Variants in SNX24 observed in about 807,000 individuals in gnomAD.
SNX24 encodes the protein sorting nexin-24.
In SNX24, 22 loss-of-function variants were observed where a neutral mutation model predicts 28.7. The observed-to-expected ratio is 0.77, with a 90% confidence interval of 0.55 to 1.10. The LOEUF is 1.10. SNX24 is among the 50% of genes least tolerant of loss of function. The probability of loss-of-function intolerance (pLI) is 0.00; values close to 1 mark genes in which losing one functional copy is unlikely to be tolerated. For synonymous variants in SNX24, 69 were observed against 71.5 expected (o/e 0.96, Z 0.18); for missense variants, 221 against 201.1 (o/e 1.10, Z -0.60).
intron 5 of SNX24, chr5:123,025,936 C>G (rs1222255255): frequency 6.2e-7 from 1 of 1,608,546 alleles, no homozygotes; most frequent in East Asian, 2.2e-5. Flanking sequence ...TTGAAGTTCT[C>G]ATCTGGAAAT....
intron 1 of SNX24, among the ~76,000 whole-genome samples, chr5:122,903,322 G>C (rs1157823263): frequency 1.3e-5 from 2 of 152,102 alleles, no homozygotes; most frequent in Non-Finnish European, 2.9e-5. Context: ...TGTTGCCCAA[G>C]CTGGTCTTGA....
At position 122,923,635 on chromosome 5, in the gene SNX24, C is replaced by G. The variant is rs566561526; in HGVS notation, c.61-13099C>G. Among the ~76,000 whole-genome samples the G allele has an allele frequency of 3.5e-4, 54 of 152,318 alleles. No individual in the cohort carries two copies. In the South Asian group the frequency reaches 3.7e-3, roughly 11 times the overall value. ...CTCCACTTCTTGTTTTCCCATCTTT[C>G]AGAGCCCAGCTGCAGAGCTTTGAAG... On this transcript the variant is annotated intron_variant, in intron 1 of 6. Transcript: ENST00000261369.
At chr5:122,871,293 G>C (rs1254344530) in intron 1 of SNX24, among the ~76,000 whole-genome samples, 1 of 152,152 alleles carries the variant, frequency 6.6e-6, no homozygotes. Context: ...ATTTTAATTT[G>C]TAGCTAAGCC....
At chr5:122,884,337 C>T (rs1318387084) in intron 1 of SNX24, among the ~76,000 whole-genome samples, 8 of 145,930 alleles carry the variant, frequency 5.5e-5, no homozygotes, top group Non-Finnish European at 7.4e-5. Flanking sequence ...CTGCAACCTC[C>T]GCCTCCCTGG....
chr5:122,913,249 G>C (rs1221928660), intron 1 of SNX24, among the ~76,000 whole-genome samples: 1 of 151,964 alleles, frequency 6.6e-6, no homozygotes, highest in Non-Finnish European at 1.5e-5. Context: ...AGATGGGGTG[G>C]TGGCCGGGCA....
At chr5:122,862,105 C>T (rs975543442) in intron 1 of SNX24, among the ~76,000 whole-genome samples, 2 of 152,062 alleles carry the variant, frequency 1.3e-5, no homozygotes, top group African/African-American at 4.8e-5. Flanking sequence ...TCATTTTAGG[C>T]TCAGGGAATT....
intron 1 of SNX24, among the ~76,000 whole-genome samples, chr5:122,929,492 C>T (rs747248570): frequency 1.3e-4 from 20 of 151,980 alleles, no homozygotes; most frequent in Non-Finnish European, 2.5e-4. Flanking sequence ...CTGTACTGCT[C>T]AGTGTGAAAT....
intron 1 of SNX24, among the ~76,000 whole-genome samples, chr5:122,890,006 C>G (rs531539473): frequency 6.6e-6 from 1 of 151,788 alleles, no homozygotes; most frequent in East Asian, 1.9e-4. Context: ...GGAACTGCCT[C>G]TCAGCCCTTC....
intron 1 of SNX24, among the ~76,000 whole-genome samples, chr5:122,932,957 A>T (rs1759024707): frequency 6.6e-6 from 1 of 152,068 alleles, no homozygotes; most frequent in African/African-American, 2.4e-5. Flanking sequence ...TCCTATTCAT[A>T]ACAGTGTAAC....
At chr5:122,924,471 G>A (rs192321961) in intron 1 of SNX24, among the ~76,000 whole-genome samples, 125 of 152,304 alleles carry the variant, frequency 8.2e-4, no homozygotes, top group Non-Finnish European at 1.2e-3. Flanking sequence ...CTGGGACCGG[G>A]CAAGACACCG....
intron 1 of SNX24, among the ~76,000 whole-genome samples, chr5:122,902,995 CAT>C (rs1757504166): frequency 6.6e-6 from 1 of 152,184 alleles, no homozygotes; most frequent in African/African-American, 2.4e-5. Context: ...TCTTCAGTCT[CAT>C]TTTCACCCTG....
At chr5:122,936,621 G>A (rs1759188745) in intron 1 of SNX24, 113 bp from the exon 2 acceptor site, 1 of 570,942 alleles carries the variant, frequency 1.8e-6, no homozygotes, top group South Asian at 3.2e-5. Context: ...TGGGTTTTGG[G>A]GGATCAGCTA....
chr5:122,958,620 G>T (rs1347872086), intron 3 of SNX24, among the ~76,000 whole-genome samples: 2 of 151,936 alleles, frequency 1.3e-5, no homozygotes, highest in African/African-American at 2.4e-5. Flanking sequence ...TGTTAGTGTG[G>T]TATATTACAT....
intron 1 of SNX24, among the ~76,000 whole-genome samples, chr5:122,889,597 A>G (rs369093748): frequency 4.2e-5 from 5 of 119,930 alleles, no homozygotes; most frequent in African/African-American, 1.7e-4. Flanking sequence ...GTGTATGTGT[A>G]TATATATATA....
chr5:123,019,618 A>T (rs1762734534), intron 5 of SNX24, among the ~76,000 whole-genome samples: 1 of 152,250 alleles, frequency 6.6e-6, no homozygotes, highest in African/African-American at 2.4e-5. Flanking sequence ...GTAAGAGAAC[A>T]AAATAAATTA....
intron 1 of SNX24, among the ~76,000 whole-genome samples, chr5:122,874,109 A>C (rs1231790261): frequency 6.6e-6 from 1 of 152,212 alleles, no homozygotes; most frequent in African/African-American, 2.4e-5. Context: ...ACAGTGGAGC[A>C]GTAGTTAAAT....
intron 3 of SNX24, among the ~76,000 whole-genome samples, chr5:122,999,566 G>A (rs35334805): frequency 0.22 from 33,826 of 151,926 alleles, 4,805 homozygotes; most frequent in Non-Finnish European, 0.33. Context: ...ATGTTGCCAG[G>A]TTTTGAAATA....
chr5:123,002,449 G>A (rs956375485), intron 6 of SNX24, among the ~76,000 whole-genome samples: 5 of 152,094 alleles, frequency 3.3e-5, no homozygotes, highest in East Asian at 3.9e-4. Context: ...TGGCTAACAC[G>A]GTGAAACCCC....
intron 1 of SNX24, among the ~76,000 whole-genome samples, chr5:122,915,442 A>T (rs992274687): frequency 6.6e-6 from 1 of 152,106 alleles, no homozygotes; most frequent in Admixed American, 6.5e-5. Context: ...CCTGGGCAAC[A>T]TAGCAAGTCC....
Sources: allele counts gnomAD v4.1 joint callset (sites outside exome capture counted in the v4.1 genomes callset), GRCh38; gene constraint gnomAD v4.1.1; transcripts MANE v1.5; gene names NCBI Gene and HGNC (gene_info 2026-07-23, HGNC 2026-07-21).